The following PRR5 variants were observed in gnomAD, a reference collection of about 807,000 sequenced individuals.
PRR5 encodes proline-rich protein 5.
A neutral mutation model predicts 30.6 loss-of-function variants in PRR5; 25 were observed. The ratio of observed to expected loss-of-function variants is 0.82; its 90% CI spans 0.60 to 1.14. The LOEUF is 1.14. Among genes scored for constraint, PRR5 ranks in the 50% most tolerant of loss-of-function variants. The pLI is 0.00. For synonymous variants in PRR5, 286 were observed against 247.1 expected, an observed-to-expected ratio of 1.16 and a Z score of -1.48; for missense variants, 600 against 547.1, an observed-to-expected ratio of 1.10 and a Z score of -0.96.
At chr22:44,674,483 G>C (rs1250182832), upstream of PRR5, among the ~76,000 whole-genome samples, 4 of 152,110 alleles carry the variant, frequency 2.6e-5, no homozygotes, top group Non-Finnish European at 4.4e-5. Context: ...AGCACTTTGG[G>C]AGGCTGAGGC....
upstream of PRR5, among the ~76,000 whole-genome samples, chr22:44,674,614 G>C (rs892184056): frequency 9.2e-5 from 14 of 151,446 alleles, no homozygotes; most frequent in African/African-American, 2.7e-4. Flanking sequence ...CCAGCTACTA[G>C]GGAGGCTGAG....
intron 2 of PRR5, among the ~76,000 whole-genome samples, chr22:44,716,068 G>A (rs1397934264): frequency 2.0e-5 from 3 of 152,194 alleles, no homozygotes; most frequent in Admixed American, 2.0e-4. Flanking sequence ...AACAGCATTG[G>A]TAATTGGCTG....
chr22:44,731,571 C>G (rs1602089901), intron 4 of PRR5, 159 bp from the exon 5 acceptor site: 1 of 683,024 alleles, frequency 1.5e-6, no homozygotes, highest in Non-Finnish European at 2.6e-6. Context: ...GGCCATAGAA[C>G]AGCTGAGCTG....
rs572406576 is a variant in PRR5, at chr22:44,732,330, C to T, written c.494C>T (p.Ala165Val). Residue 165 changes from alanine to valine, a missense_variant, in exon 6 of 8, where the codon GCG (alanine) becomes GTG (valine). Ala to Val is a moderately conservative substitution (Grantham distance 64, BLOSUM62 0). Transcript: ENST00000336985. ...ACCCTCAGTGTGAAGCTAGAGGATG[C>T]GCTGGCCCGGGCCCATGCCCGTGTG... ...AITLSVKLED[A>V]LARAHARVPP... 75 of 1,612,264 alleles carry T rather than the reference C, an allele frequency of 4.7e-5. No individual in the cohort carries two copies. Among genetic ancestry groups the T allele is most frequent in the East Asian group, 8.9e-5 (4 of 44,874 alleles).
chr22:44,730,838 C>A, intron 4 of PRR5: 1 of 450,652 alleles, frequency 2.2e-6, no homozygotes, highest in Non-Finnish European at 4.2e-6. Context: ...CTGTGGTGCA[C>A]CCTTTCCTCG....
In PRR5 at chr22:44,735,003, A is replaced by G. The variant is rs746537267; in HGVS notation, c.556-24A>G. The G allele has an allele frequency of 3.1e-6, 5 of 1,606,096 alleles. No homozygotes were observed. The Admixed American group carries it at 5.0e-5, about 16-fold the overall frequency. On this transcript the variant is annotated intron_variant, in intron 6 of 7. Transcript: ENST00000336985. Reference sequence around the variant, plus strand: ...ACCAAGCTCGGGTGCATGACCCCCTACCCCCTGCCCCACTCTCCTGCAGGG... The same window carrying G: ...ACCAAGCTCGGGTGCATGACCCCCTGCCCCCTGCCCCACTCTCCTGCAGGG...
upstream of PRR5, among the ~76,000 whole-genome samples, chr22:44,672,735 C>T (rs1011246843): frequency 2.6e-5 from 4 of 152,220 alleles, no homozygotes; most frequent in Non-Finnish European, 5.9e-5. Context: ...CCTGTCCTGC[C>T]AGCCAGCCCC....
rs1361140804 is a variant in PRR5 at position 44,732,820 on chromosome 22, T to G, written c.555+429T>G. On this transcript the variant is annotated intron_variant, in intron 6 of 7. Transcript: ENST00000336985. ...TGTGCACACGCATACACACTACACG[T>G]GTGCACGCACATACTACACACGTGC... Among the ~76,000 whole-genome samples, 4 of 79,116 alleles carry G rather than the reference T, an allele frequency of 5.1e-5. No individual in the cohort carries two copies. The Admixed American group carries it at 5.8e-4, about 12-fold the overall frequency. The allele number at this position is 79,116 out of a possible 152,430, so 51.9% of individuals were successfully genotyped here. A position where few individuals can be genotyped will look rare whatever the true frequency, so the allele number is the denominator to read the frequency against.
At chr22:44,678,074 T>A (rs576900522) in intron 1 of PRR5, among the ~76,000 whole-genome samples, 6 of 152,172 alleles carry the variant, frequency 3.9e-5, no homozygotes, top group South Asian at 2.1e-4. Context: ...GTACCCAGAG[T>A]CACGCGTGCA....
chr22:44,729,493 G>T (rs1469548313), intron 4 of PRR5: 2 of 985,444 alleles, frequency 2.0e-6, no homozygotes, highest in East Asian at 1.1e-4. Flanking sequence ...CACACACCCG[G>T]CCCCGTCCTG....
intron 1 of PRR5, chr22:44,679,600 G>A (rs541998608): frequency 2.7e-4 from 129 of 476,786 alleles, no homozygotes; most frequent in African/African-American, 2.2e-3. Flanking sequence ...CCGGCTACTC[G>A]GGAGGCTGAG....
intron 1 of PRR5, among the ~76,000 whole-genome samples, chr22:44,687,270 A>G (rs139709369): frequency 9.8e-5 from 15 of 152,318 alleles, no homozygotes; most frequent in African/African-American, 3.6e-4. Flanking sequence ...AAACATCTAT[A>G]TTGTCTTTGC....
intron 1 of PRR5, among the ~76,000 whole-genome samples, chr22:44,671,429 A>C (rs1390360816): frequency 2.0e-5 from 3 of 151,560 alleles, no homozygotes; most frequent in African/African-American, 7.3e-5. Flanking sequence ...GGGGGCTTGG[A>C]AGTCTGGTGA....
At chr22:44,674,139 GCTTTTTTCTTGTTTTCTTTT>G (rs1923577549), upstream of PRR5, among the ~76,000 whole-genome samples, 1 of 151,274 alleles carries the variant, frequency 6.6e-6, no homozygotes, top group African/African-American at 2.4e-5. Context: ...TCTGTATCCT[GCTTTTTTCTTGTTTTCTTTT>G]CTTTTTTTTT....
chr22:44,684,722 G>C (rs546939648), intron 1 of PRR5, among the ~76,000 whole-genome samples: 1 of 152,378 alleles, frequency 6.6e-6, no homozygotes, highest in African/African-American at 2.4e-5. Flanking sequence ...GCAGACAGCG[G>C]GTGTGGGTGC....
chr22:44,735,702 C>G (rs1403467199), intron 7 of PRR5, among the ~76,000 whole-genome samples: 4 of 152,180 alleles, frequency 2.6e-5, no homozygotes, highest in Non-Finnish European at 5.9e-5. Context: ...TCCCCTCCCG[C>G]GGGGGAGGCC....
chr22:44,729,732 G>A (rs558846727), intron 4 of PRR5: 9 of 985,450 alleles, frequency 9.1e-6, no homozygotes, highest in African/African-American at 8.7e-5. Context: ...CTGGCCTCTC[G>A]TCACCGTGTG....
rs998446488 is a variant in PRR5, at chr22:44,669,359, C to A, written c.-11+554C>A. On this transcript the variant is annotated intron_variant, in intron 1 of 8. Transcript: ENST00000432186. Reference sequence around the variant, plus strand: ...CCACCGCTCTGGCCTCTGGCCTGGGCCTCCAGCCACTTCCTGGCTGGTAGC... The same window carrying A: ...CCACCGCTCTGGCCTCTGGCCTGGGACTCCAGCCACTTCCTGGCTGGTAGC... 2.0e-5 allele frequency among the ~76,000 whole-genome samples: 3 copies of A among 152,344 alleles called. No individual in the cohort carries two copies. The East Asian group carries it at 5.8e-4, about 29-fold the overall frequency.
intron 6 of PRR5, among the ~76,000 whole-genome samples, chr22:44,732,841 CG>C (rs1435507642): frequency 6.5e-5 from 3 of 45,888 alleles, no homozygotes; most frequent in East Asian, 5.4e-4. Flanking sequence ...ATACTACACA[CG>C]TGCACACACG....
Sources: allele counts gnomAD v4.1 joint callset (sites outside exome capture counted in the v4.1 genomes callset), GRCh38; gene constraint gnomAD v4.1.1; transcripts MANE v1.5; gene names NCBI Gene and HGNC (gene_info 2026-07-23, HGNC 2026-07-21).